Variants in NDST3 observed in about 807,000 individuals in gnomAD.
The protein encoded by NDST3 is bifunctional heparan sulfate N-deacetylase/N-sulfotransferase 3.
Under a neutral mutation model 96.1 loss-of-function variants are expected in NDST3, and 58 were observed. The observed-to-expected ratio is 0.60, with a 90% CI of 0.49 to 0.75. NDST3 has a LOEUF of 0.75. Ranked by LOEUF, NDST3 falls within the 30% of genes least tolerant of loss-of-function variation. The pLI is 0.00. For synonymous variants in NDST3, 333 were observed against 359.7 expected, an observed-to-expected ratio of 0.93 and a Z score of 0.84; for missense variants, 788 against 1,034.2, an observed-to-expected ratio of 0.76 and a Z score of 3.27.
At chr4:118,058,166 A>T (rs931364363) in intron 2 of NDST3, among the ~76,000 whole-genome samples, 1 of 152,024 alleles carries the variant, frequency 6.6e-6, no homozygotes, top group African/African-American at 2.4e-5. Context: ...CAAAAGTTAC[A>T]TAAACTGTTA....
chr4:118,057,151 T>C (rs935508753), intron 2 of NDST3, among the ~76,000 whole-genome samples: 2 of 151,962 alleles, frequency 1.3e-5, no homozygotes, highest in African/African-American at 4.8e-5. Flanking sequence ...ATTGGCTGAA[T>C]GGAGATGAAA....
At chr4:118,249,484 C>T (rs2126012014) in intron 12 of NDST3, among the ~76,000 whole-genome samples, 1 of 152,236 alleles carries the variant, frequency 6.6e-6, no homozygotes, top group Admixed American at 6.5e-5. Flanking sequence ...GAATATAGCA[C>T]TAATTTATTC....
At chr4:118,240,482 C>T in intron 10 of NDST3, 42 bp from the exon 11 acceptor site, 1 of 1,483,962 alleles carries the variant, frequency 6.7e-7, no homozygotes, top group Non-Finnish European at 9.1e-7. Flanking sequence ...TTATTTATGC[C>T]TACGGTTCAG....
intron 6 of NDST3, among the ~76,000 whole-genome samples, chr4:118,219,524 T>A (rs1481497246): frequency 6.6e-6 from 1 of 151,944 alleles, no homozygotes; most frequent in Non-Finnish European, 1.5e-5. Flanking sequence ...TCCTTATACC[T>A]TATACAAAAC....
intron 6 of NDST3, among the ~76,000 whole-genome samples, chr4:118,181,645 T>A (rs1431326498): frequency 6.6e-6 from 1 of 152,132 alleles, no homozygotes; most frequent in Non-Finnish European, 1.5e-5. Context: ...CTTTTAAATA[T>A]CTTTTCAAAA....
intron 6 of NDST3, among the ~76,000 whole-genome samples, chr4:118,159,386 G>A (rs1001877754): frequency 6.6e-6 from 1 of 152,138 alleles, no homozygotes; most frequent in East Asian, 1.9e-4. Flanking sequence ...TATTGCAGAT[G>A]TATCCACAGA....
chr4:118,168,591 C>T (rs1259427031), intron 6 of NDST3, among the ~76,000 whole-genome samples: 1 of 151,952 alleles, frequency 6.6e-6, no homozygotes, highest in African/African-American at 2.4e-5. Flanking sequence ...AAAAATAGAA[C>T]TACCATATGA....
chr4:118,040,413 G>A (rs1273131142), intron 1 of NDST3, among the ~76,000 whole-genome samples: 1 of 152,100 alleles, frequency 6.6e-6, no homozygotes, highest in Non-Finnish European at 1.5e-5. Flanking sequence ...AGGACATGGT[G>A]CTGGTTATGC....
At chr4:118,036,931 T>C (rs937148888) in intron 1 of NDST3, among the ~76,000 whole-genome samples, 2 of 152,220 alleles carry the variant, frequency 1.3e-5, no homozygotes, top group Admixed American at 1.3e-4. Flanking sequence ...AGTCCTATCC[T>C]AAAACCTTTA....
chr4:118,095,539 C>A (rs981401488), intron 2 of NDST3, among the ~76,000 whole-genome samples: 13 of 150,900 alleles, frequency 8.6e-5, no homozygotes, highest in Non-Finnish European at 1.6e-4. Flanking sequence ...ACAGTACTCA[C>A]AGTTGTACAT....
At chr4:118,248,243 C>T (rs1235284432) in intron 12 of NDST3, among the ~76,000 whole-genome samples, 2 of 151,878 alleles carry the variant, frequency 1.3e-5, no homozygotes, top group African/African-American at 2.4e-5. Flanking sequence ...CCCAGCAACT[C>T]GGGAGGCTGA....
At chr4:118,081,571 AT>A (rs1387541591) in intron 2 of NDST3, among the ~76,000 whole-genome samples, 1 of 152,136 alleles carries the variant, frequency 6.6e-6, no homozygotes, top group Non-Finnish European at 1.5e-5. Flanking sequence ...CACTGTAGTA[AT>A]TTGCTGCTTT....
intron 4 of NDST3, among the ~76,000 whole-genome samples, chr4:118,126,514 G>GTA (rs776694923): frequency 0.019 from 947 of 49,048 alleles, 4 homozygotes; most frequent in African/African-American, 0.037. Flanking sequence ...GTATGTATGT[G>GTA]TATATATATA....
At chr4:118,195,903 G>C (rs1219186223) in intron 6 of NDST3, among the ~76,000 whole-genome samples, 1 of 152,182 alleles carries the variant, frequency 6.6e-6, no homozygotes, top group Non-Finnish European at 1.5e-5. Flanking sequence ...AGTGGTGAAA[G>C]TGGGCATCCT....
intron 6 of NDST3, among the ~76,000 whole-genome samples, chr4:118,171,720 A>G (rs115520776): frequency 0.016 from 2,391 of 152,300 alleles, 57 homozygotes; most frequent in African/African-American, 0.054. Context: ...TCTGAAGGTC[A>G]TACAATACCG....
chr4:118,204,940 T>A (rs1232054354), intron 6 of NDST3, among the ~76,000 whole-genome samples: 1 of 144,618 alleles, frequency 6.9e-6, no homozygotes, highest in East Asian at 2.0e-4. Context: ...CATGATTTTC[T>A]TAGTATTCAC....
chr4:118,228,896 T>C (rs1740083980), intron 8 of NDST3, among the ~76,000 whole-genome samples: 1 of 152,258 alleles, frequency 6.6e-6, no homozygotes, highest in South Asian at 2.1e-4. Flanking sequence ...TTGAGATTCA[T>C]GTTGCTGTAT....
At chr4:118,067,851 C>T (rs1273173277) in intron 2 of NDST3, among the ~76,000 whole-genome samples, 1 of 151,840 alleles carries the variant, frequency 6.6e-6, no homozygotes, top group Admixed American at 6.6e-5. Context: ...CAGCAAACCA[C>T]CACGGCACAT....
At chr4:118,138,288 C>T in intron 5 of NDST3, 49 bp downstream of exon 5, 2 of 1,471,846 alleles carry the variant, frequency 1.4e-6, no homozygotes, top group East Asian at 2.4e-5. Flanking sequence ...TGCAAGATTT[C>T]ATTCCTCACT....
Sources: gnomAD v4.1 joint callset for allele counts (sites outside exome capture counted in the v4.1 genomes callset) on GRCh38, gnomAD v4.1.1 for gene constraint, MANE v1.5 for transcripts, NCBI Gene and HGNC (gene_info 2026-07-23, HGNC 2026-07-21) for gene names.